SIK3: variants seen among roughly 807,000 people sequenced by gnomAD.
The protein encoded by SIK3 is serine/threonine-protein kinase SIK3.
SIK3 carries 28 observed loss-of-function variants against 144.2 expected under a neutral mutation model. That is an observed-to-expected ratio of 0.19 (90% CI 0.14 to 0.27). SIK3 has a LOEUF of 0.27. Among genes scored for constraint, SIK3 ranks in the 10% least tolerant of loss-of-function variants. The probability of loss-of-function intolerance (pLI) is 1.00; values close to 1 mark genes in which losing one functional copy is unlikely to be tolerated. For synonymous variants in SIK3, 686 were observed against 676.3 expected, an observed-to-expected ratio of 1.01 and a Z score of -0.22; for missense variants, 1,319 against 1,776.0, an observed-to-expected ratio of 0.74 and a Z score of 4.62.
intron 1 of SIK3, among the ~76,000 whole-genome samples, chr11:117,034,427 A>G (rs1952402189): frequency 1.3e-5 from 2 of 152,242 alleles, no homozygotes; most frequent in African/African-American, 2.4e-5. Flanking sequence ...CAAGTAAATG[A>G]AAGTAAAGAT....
At chr11:117,026,467 C>A (rs1057451756) in intron 1 of SIK3, among the ~76,000 whole-genome samples, 3 of 152,048 alleles carry the variant, frequency 2.0e-5, no homozygotes, top group Admixed American at 6.6e-5. Context: ...ACTAATGAAA[C>A]AATTTTGACC....
chr11:116,860,684 G>A (rs970091609), intron 19 of SIK3, among the ~76,000 whole-genome samples: 17 of 152,160 alleles, frequency 1.1e-4, no homozygotes, highest in Admixed American at 1.0e-3. Context: ...TCTACATACT[G>A]TACCATAATT....
intron 1 of SIK3, among the ~76,000 whole-genome samples, chr11:117,078,088 A>G (rs1233939760): frequency 6.6e-6 from 1 of 152,244 alleles, no homozygotes; most frequent in African/African-American, 2.4e-5. Context: ...ATTTTATCAC[A>G]TTAGGCATGC....
intron 1 of SIK3, among the ~76,000 whole-genome samples, chr11:116,991,529 C>G (rs80242245): frequency 0.072 from 11,031 of 152,226 alleles, 490 homozygotes; most frequent in Middle Eastern, 0.11. Flanking sequence ...AATTTGAACA[C>G]TCTAATAACT....
chr11:117,092,099 T>A (rs2134085502), intron 1 of SIK3, among the ~76,000 whole-genome samples: 1 of 152,180 alleles, frequency 6.6e-6, no homozygotes, highest in African/African-American at 2.4e-5. Context: ...TTTAAAAACA[T>A]AAATTAGGTG....
chr11:117,054,451 G>T (rs1953417513), intron 1 of SIK3, among the ~76,000 whole-genome samples: 1 of 152,202 alleles, frequency 6.6e-6, no homozygotes, highest in Non-Finnish European at 1.5e-5. Context: ...TTTCAGGTAA[G>T]AGAGACCCAT....
intron 4 of SIK3, among the ~76,000 whole-genome samples, chr11:116,925,061 G>A (rs1043561258): frequency 1.1e-4 from 16 of 152,052 alleles, no homozygotes; most frequent in African/African-American, 2.9e-4. Context: ...TGGGTGGATC[G>A]CTGGAGACCA....
intron 1 of SIK3, among the ~76,000 whole-genome samples, chr11:117,033,745 A>G (rs1238180204): frequency 6.6e-6 from 1 of 151,488 alleles, no homozygotes; most frequent in East Asian, 1.9e-4. Context: ...AAAAGAAAAA[A>G]AAAGAAAAGG....
chr11:116,909,319 A>G (rs1946214382), intron 4 of SIK3, among the ~76,000 whole-genome samples: 1 of 121,412 alleles, frequency 8.2e-6, no homozygotes, highest in African/African-American at 3.4e-5. Flanking sequence ...CTACTAAAAG[A>G]AAAAAAAAAA....
Position 116,873,610 on chromosome 11 carries a change from C to T in SIK3, c.1608G>A (p.Thr536=), listed in dbSNP as rs373997573. 22 of 1,580,126 alleles carry T rather than the reference C, an allele frequency of 1.4e-5. No individual in the cohort carries two copies. Among genetic ancestry groups the T allele is most frequent in the Admixed American group, 5.5e-5 (3 of 54,358 alleles). The change falls in exon 13 of 25, where the codon ACG becomes ACA. Residue 536 remains threonine, a synonymous_variant. Coordinates refer to ENST00000445177, the MANE Select transcript of SIK3 (RefSeq NM_001366686.3). The stretch of plus-strand genomic sequence containing the variant: ...GGCCCATTCCATTCAACAGCTGTAG[C>T]GTGGGCGGCTGTAGGAGAGACTGCT... ...YKEQSLLQPP[T]LQLLNGMGPL...
intron 3 of SIK3, among the ~76,000 whole-genome samples, chr11:116,946,863 C>A (rs767717836): frequency 2.8e-4 from 43 of 152,032 alleles, no homozygotes; most frequent in Non-Finnish European, 5.3e-4. Flanking sequence ...CGCCTGTAAT[C>A]CCAGCACTTT....
intron 3 of SIK3, 63 bp from the exon 4 acceptor site, chr11:116,927,443 A>G: frequency 1.9e-6 from 3 of 1,541,870 alleles, no homozygotes; most frequent in Non-Finnish European, 2.7e-6. Context: ...CAAAAGGTAG[A>G]CTTAAGGAGG....
intron 6 of SIK3, among the ~76,000 whole-genome samples, chr11:116,893,491 A>G (rs1945240049): frequency 6.6e-6 from 1 of 151,662 alleles, no homozygotes; most frequent in South Asian, 2.1e-4. Context: ...AGCCTGGACA[A>G]CATGGCAAAA....
chr11:116,984,395 G>C (rs549684151), intron 1 of SIK3, among the ~76,000 whole-genome samples: 1 of 152,116 alleles, frequency 6.6e-6, no homozygotes, highest in Non-Finnish European at 1.5e-5. Context: ...AAGGGGAAAG[G>C]CTACATGGAT....
At chr11:116,870,012 G>A in intron 14 of SIK3, 1 of 922,518 alleles carries the variant, frequency 1.1e-6, no homozygotes. Context: ...GCAGGTACGA[G>A]CAGGCTTTGT....
intron 1 of SIK3, among the ~76,000 whole-genome samples, chr11:117,079,741 GA>G (rs200010506): frequency 3.8e-4 from 55 of 144,948 alleles, no homozygotes; most frequent in African/African-American, 1.2e-3. Flanking sequence ...GCCATAAAGA[GA>G]AAAAAAAACA....
intron 1 of SIK3, among the ~76,000 whole-genome samples, chr11:117,080,184 T>C (rs936219413): frequency 2.6e-5 from 4 of 152,036 alleles, no homozygotes; most frequent in Admixed American, 1.3e-4. Context: ...TAACTACAAA[T>C]AATAAAATGA....
chr11:117,009,210 G>C (rs1255915573), intron 1 of SIK3, among the ~76,000 whole-genome samples: 1 of 148,756 alleles, frequency 6.7e-6, no homozygotes, highest in African/African-American at 2.5e-5. Flanking sequence ...TCCAGCCTGG[G>C]CGACAGAGTG....
intron 4 of SIK3, among the ~76,000 whole-genome samples, chr11:116,915,617 G>T (rs1030312867): frequency 1.3e-5 from 2 of 151,982 alleles, no homozygotes; most frequent in African/African-American, 4.8e-5. Flanking sequence ...TATACATGTG[G>T]TATATACATA....
Sources: gnomAD v4.1 joint callset for allele counts (sites outside exome capture counted in the v4.1 genomes callset) on GRCh38, gnomAD v4.1.1 for gene constraint, MANE v1.5 for transcripts, NCBI Gene and HGNC (gene_info 2026-07-23, HGNC 2026-07-21) for gene names.